The following MSRA variants were observed in gnomAD, a reference collection of about 807,000 sequenced individuals.
MSRA encodes the protein mitochondrial peptide methionine sulfoxide reductase.
Under a neutral mutation model 31.3 loss-of-function variants are expected in MSRA, and 54 were observed. The observed-to-expected ratio is 1.73, with a 90% CI of 1.39 to 2.17. MSRA has a LOEUF of 2.17. Among genes scored for constraint, MSRA ranks in the 30% most tolerant of loss-of-function variants. The pLI, the probability that MSRA is intolerant of heterozygous loss-of-function variation, is 0.00. For missense variants in MSRA, 507 were observed against 300.9 expected (o/e 1.69, Z -5.07); for synonymous variants, 169 against 116.5 (o/e 1.45, Z -2.90).
At chr8:10,081,734 C>T (rs1264808907) in intron 1 of MSRA, among the ~76,000 whole-genome samples, 1 of 152,132 alleles carries the variant, frequency 6.6e-6, no homozygotes, top group African/African-American at 2.4e-5. Context: ...AGGTGATCTG[C>T]CTGCCTCGGC....
intron 3 of MSRA, among the ~76,000 whole-genome samples, chr8:10,257,534 G>T (rs564432415): frequency 6.6e-6 from 1 of 152,200 alleles, no homozygotes; most frequent in Non-Finnish European, 1.5e-5. Flanking sequence ...AGCCTCTGGA[G>T]GAGCTGGGAT....
At chr8:10,358,958 G>A (rs911714021) in intron 5 of MSRA, among the ~76,000 whole-genome samples, 11 of 152,188 alleles carry the variant, frequency 7.2e-5, no homozygotes, top group Non-Finnish European at 1.5e-5. Flanking sequence ...CACTCCTTAT[G>A]AGAATATAAC....
At chr8:10,257,087 G>A (rs1209742379) in intron 3 of MSRA, among the ~76,000 whole-genome samples, 2 of 152,060 alleles carry the variant, frequency 1.3e-5, no homozygotes, top group African/African-American at 4.8e-5. Flanking sequence ...GCCCTTTCTT[G>A]GCCAGGGCAT....
At chr8:10,249,841 A>C (rs1375438456) in intron 3 of MSRA, among the ~76,000 whole-genome samples, 1 of 152,216 alleles carries the variant, frequency 6.6e-6, no homozygotes, top group Non-Finnish European at 1.5e-5. Context: ...CTACAAGCTC[A>C]GCATCTGGCT....
chr8:10,101,438 C>T (rs1799522081), intron 1 of MSRA, among the ~76,000 whole-genome samples: 1 of 152,142 alleles, frequency 6.6e-6, no homozygotes, highest in Non-Finnish European at 1.5e-5. Context: ...GGTACATTCA[C>T]ATTGTTATGC....
chr8:10,422,285 C>T (rs1808861132), intron 5 of MSRA, among the ~76,000 whole-genome samples: 3 of 152,124 alleles, frequency 2.0e-5, no homozygotes, highest in Admixed American at 1.3e-4. Flanking sequence ...GACCCTGTCT[C>T]AGCAACAGAA....
chr8:10,074,510 G>T (rs908480724), intron 1 of MSRA, among the ~76,000 whole-genome samples: 15 of 152,140 alleles, frequency 9.9e-5, no homozygotes, highest in Non-Finnish European at 1.6e-4. Context: ...TCACTGAAAG[G>T]TAAACCACTG....
chr8:10,405,711 A>G (rs913095642), intron 5 of MSRA, among the ~76,000 whole-genome samples: 4 of 152,182 alleles, frequency 2.6e-5, no homozygotes, highest in East Asian at 1.9e-4. Flanking sequence ...ATACACAACC[A>G]TGTGCTCACA....
At chr8:10,300,419 C>A (rs1800779939) in intron 3 of MSRA, among the ~76,000 whole-genome samples, 1 of 152,062 alleles carries the variant, frequency 6.6e-6, no homozygotes, top group Non-Finnish European at 1.5e-5. Context: ...CCACGCCTGG[C>A]TAATTTTTGT....
chr8:10,107,076 A>G (rs1799936385), intron 1 of MSRA, among the ~76,000 whole-genome samples: 1 of 152,164 alleles, frequency 6.6e-6, no homozygotes, highest in Admixed American at 6.5e-5. Flanking sequence ...AACCGCTGCC[A>G]TCACCCAGCT....
chr8:10,307,929 A>G (rs11782868), intron 4 of MSRA, among the ~76,000 whole-genome samples: 37,510 of 152,158 alleles, frequency 0.25, 5,656 homozygotes, highest in East Asian at 0.67. Context: ...AATTCTGACT[A>G]TGGGGGCCTT....
chr8:10,124,436 A>T (rs1801348734), intron 1 of MSRA, among the ~76,000 whole-genome samples: 1 of 152,212 alleles, frequency 6.6e-6, no homozygotes. Flanking sequence ...TGTGCTTTTG[A>T]TTAGCAGAAT....
rs182828906 is a variant in MSRA at position 10,370,661 on chromosome 8, A to G, written c.543+50672A>G. 1.6e-4 allele frequency among the ~76,000 whole-genome samples: 24 copies of G among 152,316 alleles called. No individual in the cohort carries two copies. In the East Asian group the frequency reaches 4.6e-3, roughly 29 times the overall value. ...AAAACACCTCTCCCTCGGGCCAACC[A>G]CTTTGCTCTCCTGTACTTGCCACCT... On this transcript the variant is annotated intron_variant, in intron 5 of 5. Transcript: ENST00000317173.
At chr8:10,249,915 T>G (rs2129085534) in intron 3 of MSRA, among the ~76,000 whole-genome samples, 1 of 152,290 alleles carries the variant, frequency 6.6e-6, no homozygotes, top group African/African-American at 2.4e-5. Context: ...TATATAGGCC[T>G]TACTTGAATA....
At chr8:10,321,997 C>T (rs1030550388) in intron 5 of MSRA, among the ~76,000 whole-genome samples, 1 of 152,278 alleles carries the variant, frequency 6.6e-6, no homozygotes, top group African/African-American at 2.4e-5. Flanking sequence ...TTCTAAAAAC[C>T]TTTTACCTAT....
At chr8:10,173,704 C>G (rs890276271) in intron 1 of MSRA, among the ~76,000 whole-genome samples, 2 of 152,210 alleles carry the variant, frequency 1.3e-5, no homozygotes, top group African/African-American at 4.8e-5. Context: ...CAAATCCTGC[C>G]TTGATTAACT....
intron 1 of MSRA, among the ~76,000 whole-genome samples, chr8:10,155,952 C>T (rs367648691): frequency 5.9e-5 from 9 of 152,258 alleles, no homozygotes; most frequent in African/African-American, 1.9e-4. Flanking sequence ...TTGATGTTAG[C>T]ACAGTATTCT....
chr8:10,076,741 C>T (rs1474816754), intron 1 of MSRA, among the ~76,000 whole-genome samples: 6 of 152,078 alleles, frequency 3.9e-5, no homozygotes, highest in Non-Finnish European at 5.9e-5. Context: ...GCTCTGGGTT[C>T]TACTTTCCTA....
chr8:10,427,810 G>C (rs1480996763), intron 5 of MSRA, among the ~76,000 whole-genome samples: 1 of 152,154 alleles, frequency 6.6e-6, no homozygotes, highest in East Asian at 1.9e-4. Context: ...GTTTCCCCTG[G>C]GAGAGCTTTG....
Sources: allele counts gnomAD v4.1 joint callset (sites outside exome capture counted in the v4.1 genomes callset), GRCh38; gene constraint gnomAD v4.1.1; transcripts MANE v1.5; gene names NCBI Gene and HGNC (gene_info 2026-07-23, HGNC 2026-07-21).